Variants in KCNG3 observed in about 807,000 individuals in gnomAD.
KCNG3 encodes voltage-gated potassium channel regulatory subunit KCNG3.
Under a neutral mutation model 29.0 loss-of-function variants are expected in KCNG3, and 15 were observed. The observed-to-expected ratio is 0.52, with a 90% CI of 0.35 to 0.80. KCNG3 has a LOEUF of 0.80. KCNG3 is among the 30% of genes least tolerant of loss of function. The pLI is 0.01. For missense variants in KCNG3, 512 were observed against 605.7 expected (o/e 0.85, Z 1.62); for synonymous variants, 322 against 248.9 (o/e 1.29, Z -2.76).
intron 1 of KCNG3, among the ~76,000 whole-genome samples, chr2:42,477,384 TATATACACAC>T (rs1307893358): frequency 1.8e-4 from 18 of 101,920 alleles, no homozygotes; most frequent in East Asian, 1.6e-3. Flanking sequence ...CACACACATA[TATATACACAC>T]ACACACACAC....
the KCNG3 span, among the ~76,000 whole-genome samples, chr2:42,409,848 G>C: frequency 3.6e-4 from 54 of 151,132 alleles, 1 homozygote; most frequent in East Asian, 9.7e-3. Context: ...TGGCTATAAC[G>C]TGATTGACAA....
chr2:42,429,033 C>G, the KCNG3 span, among the ~76,000 whole-genome samples: 1 of 152,038 alleles, frequency 6.6e-6, no homozygotes, highest in Admixed American at 6.6e-5. Context: ...GGAGGAGGAT[C>G]ACTTGAACCC....
At chr2:42,389,259 G>C in the KCNG3 span, among the ~76,000 whole-genome samples, 1 of 152,286 alleles carries the variant, frequency 6.6e-6, no homozygotes, top group Admixed American at 6.5e-5. Flanking sequence ...ACTTAACAGT[G>C]TATGATCATA....
chr2:42,449,399 T>C (rs1672689371), intron 1 of KCNG3, among the ~76,000 whole-genome samples: 1 of 152,076 alleles, frequency 6.6e-6, no homozygotes, highest in Admixed American at 6.6e-5. Context: ...CTATGGCTGT[T>C]TTCACAGCAA....
At chr2:42,432,752 A>G in the KCNG3 span, among the ~76,000 whole-genome samples, 1 of 152,190 alleles carries the variant, frequency 6.6e-6, no homozygotes, top group Non-Finnish European at 1.5e-5. Flanking sequence ...TTAAATATAT[A>G]CCAATTGAAG....
chr2:42,409,045 C>T, the KCNG3 span, among the ~76,000 whole-genome samples: 1 of 152,172 alleles, frequency 6.6e-6, no homozygotes, highest in Non-Finnish European at 1.5e-5. Context: ...GCCCACCCCA[C>T]TGCAGCAGCC....
the KCNG3 span, among the ~76,000 whole-genome samples, chr2:42,432,173 G>T: frequency 1.3e-5 from 2 of 152,156 alleles, no homozygotes; most frequent in African/African-American, 4.8e-5. Flanking sequence ...ACCCCACAGT[G>T]CCCAGCACAG....
At chr2:42,475,937 A>G (rs1673413149) in intron 1 of KCNG3, among the ~76,000 whole-genome samples, 1 of 152,028 alleles carries the variant, frequency 6.6e-6, no homozygotes, top group Non-Finnish European at 1.5e-5. Flanking sequence ...GTGGTGGCAC[A>G]TGCCTGTAAT....
chr2:42,444,483 CA>C lies in KCNG3; in HGVS notation c.761del (p.Leu254ArgfsTer17), dbSNP rs747141902. ...KNKCEFVKRP[L>X]NIIDLLAITP... ...TGATTGCCAGTAAATCAATGATGTT[CA>C]GGGGTCTCTTGACAAACTCACACTT... On this transcript the variant is annotated frameshift_variant, in exon 2 of 2. Transcript: ENST00000306078. LOFTEE classifies it high-confidence loss of function. This position sits in a 1 kb window ranked among gnomAD's most constrained non-coding sequence, Gnocchi z 5.8. 2 of 1,614,142 alleles carry C rather than the reference CA, an allele frequency of 1.2e-6. No individual in the cohort carries two copies. The highest frequency in any genetic ancestry group is 1.6e-4 in the Middle Eastern group (1 of 6,062).
chr2:42,473,361 TG>T (rs1244574719), intron 1 of KCNG3, among the ~76,000 whole-genome samples: 1 of 151,884 alleles, frequency 6.6e-6, no homozygotes, highest in Non-Finnish European at 1.5e-5. Flanking sequence ...TTTTTTTGTT[TG>T]TTTTTTTGAG....
intron 1 of KCNG3, among the ~76,000 whole-genome samples, chr2:42,455,054 T>G (rs1287012452): frequency 6.6e-6 from 1 of 152,192 alleles, no homozygotes; most frequent in African/African-American, 2.4e-5. Context: ...ATTATGTATA[T>G]TTTACTACAA....
At chr2:42,420,727 T>G in the KCNG3 span, among the ~76,000 whole-genome samples, 1 of 151,526 alleles carries the variant, frequency 6.6e-6, no homozygotes, top group Non-Finnish European at 1.5e-5. Context: ...GAGGCGGAGG[T>G]TGCAGTGAGC....
intron 1 of KCNG3, among the ~76,000 whole-genome samples, chr2:42,460,134 T>G (rs905699110): frequency 1.3e-5 from 2 of 151,832 alleles, no homozygotes; most frequent in Non-Finnish European, 2.9e-5. Flanking sequence ...GAGGTTGAGG[T>G]GGGAGGACTT....
the KCNG3 span, among the ~76,000 whole-genome samples, chr2:42,432,361 T>C: frequency 6.6e-6 from 1 of 152,238 alleles, no homozygotes; most frequent in Admixed American, 6.5e-5. Context: ...TTGTGCTCAC[T>C]GTAAGTACTA....
intron 1 of KCNG3, among the ~76,000 whole-genome samples, chr2:42,469,073 G>T (rs1472368370): frequency 6.6e-6 from 1 of 151,122 alleles, no homozygotes; most frequent in Non-Finnish European, 1.5e-5. Flanking sequence ...TAATTAATAA[G>T]CTGATTATAT....
intron 1 of KCNG3, among the ~76,000 whole-genome samples, chr2:42,452,823 C>T (rs1164658822): frequency 6.6e-6 from 1 of 151,468 alleles, no homozygotes; most frequent in African/African-American, 2.4e-5. Context: ...ACTCTGTCAC[C>T]CAGGCTGGGG....
the KCNG3 span, among the ~76,000 whole-genome samples, chr2:42,391,991 G>A: frequency 6.6e-6 from 1 of 152,054 alleles, no homozygotes; most frequent in Non-Finnish European, 1.5e-5. Context: ...CTTAAAATTT[G>A]GCCCCCTATT....
At chr2:42,480,778 A>G (rs1355441184) in intron 1 of KCNG3, among the ~76,000 whole-genome samples, 2 of 151,182 alleles carry the variant, frequency 1.3e-5, no homozygotes, top group Non-Finnish European at 2.9e-5. Flanking sequence ...AAAAAAAAAA[A>G]AGTAAAATCC....
chr2:42,442,964 G>T lies in KCNG3; in HGVS notation c.*970C>A, dbSNP rs1053393465. 1.3e-5 allele frequency: 2 copies of T among 152,100 alleles called. No homozygotes were observed. The highest frequency in any genetic ancestry group is 4.8e-5 in the African/African-American group (2 of 41,444). The allele number at this position is 152,100 out of a possible 1,614,324, so 9.4% of individuals were successfully genotyped here. ...AATTTCTCCCTTTTATGATAATCCA[G>T]TGACAACACGTAAGTATGACTTTGC... On this transcript the variant is annotated 3_prime_UTR_variant, in exon 2 of 2. Transcript: ENST00000306078.
Sources: gnomAD v4.1 joint callset for allele counts (sites outside exome capture counted in the v4.1 genomes callset) on GRCh38, gnomAD v4.1.1 for gene constraint, Gnocchi (gnomAD v3.1) non-coding constraint, MANE v1.5 for transcripts, NCBI Gene and HGNC (gene_info 2026-07-23, HGNC 2026-07-21) for gene names.